The following CSPG4 variants were observed in gnomAD, a reference collection of about 807,000 sequenced individuals.
CSPG4 encodes the protein chondroitin sulfate proteoglycan 4 (melanoma-associated).
A neutral mutation model predicts 139.3 loss-of-function variants in CSPG4; 74 were observed. That is an observed-to-expected ratio of 0.53 (90% CI 0.44 to 0.64). The LOEUF (loss-of-function observed/expected upper bound fraction) is 0.64, where lower values mean the gene tolerates loss of function less well. Ranked by LOEUF, CSPG4 falls within the 30% of genes least tolerant of loss-of-function variation. CSPG4 has a pLI of 0.00. For synonymous variants in CSPG4, 1,234 were observed against 1,394.2 expected, an observed-to-expected ratio of 0.89 and a Z score of 2.56; for missense variants, 2,565 against 3,148.3, an observed-to-expected ratio of 0.81 and a Z score of 4.43.
In CSPG4 at chr15:75,687,470, A is replaced by G. The variant is rs1299830475; in HGVS notation, c.3595T>C (p.Tyr1199His). The change falls in exon 3 of 10, where the codon TAT becomes CAT. Residue 1199 changes from tyrosine (Y) to histidine (H), a missense_variant. This residue lies in a region of CSPG4 where 2,316 missense variants were observed against 2,818.2 expected (regional missense o/e 0.82). Transcript: ENST00000308508. The surrounding 1 kb of genome is among the most constrained non-coding windows in gnomAD (Gnocchi z 5.4). ...GGGCTGAGGCTGCCATTGTGGCTAT[A>G]GAGAACGGCCCCATCCAGCAGGTCC... ...QQDLLDGAVL[Y>H]SHNGSLSPRD... 2.5e-6 allele frequency: 4 copies of G among 1,612,538 alleles called. No homozygotes were observed. Among genetic ancestry groups the G allele is most frequent in the South Asian group, 2.2e-5 (2 of 91,034 alleles).
At chr15:75,706,357 C>T (rs1310326427) in intron 1 of CSPG4, among the ~76,000 whole-genome samples, 1 of 152,122 alleles carries the variant, frequency 6.6e-6, no homozygotes, top group African/African-American at 2.4e-5. Flanking sequence ...GGACACTCTC[C>T]TTGCCTACTG....
At chr15:75,682,818 C>A in intron 6 of CSPG4, 25 bp downstream of exon 6, 1 of 1,605,738 alleles carries the variant, frequency 6.2e-7, no homozygotes, top group Non-Finnish European at 8.5e-7. Context: ...CAGCAGGAAC[C>A]CGAGGCCCGG....
At chr15:75,711,548 C>G (rs1270329144) in intron 1 of CSPG4, among the ~76,000 whole-genome samples, 455 of 151,860 alleles carry the variant, frequency 3.0e-3, no homozygotes, top group African/African-American at 0.01. Context: ...CCTGGAGATC[C>G]AGCCCTGATT....
intron 8 of CSPG4, chr15:75,678,518 AT>A (rs747139987): frequency 2.6e-4 from 97 of 378,904 alleles, no homozygotes; most frequent in Middle Eastern, 8.1e-4. Context: ...ACACCCAGCT[AT>A]TTTTTTTTAT....
chr15:75,676,434 G>C lies in CSPG4; in HGVS notation c.6085C>G (p.Leu2029Val). Reference sequence around the variant, plus strand: ...GCTGATGCATTGACACCCCTAGCCAGTGCCAGGACTCTGAAGTGGTCATGA... The same window carrying C: ...GCTGATGCATTGACACCCCTAGCCACTGCCAGGACTCTGAAGTGGTCATGA... Reference protein sequence around the residue: ...SSHDHFRVLALARGVNASAVV... With the variant: ...SSHDHFRVLAVARGVNASAVV... Residue 2029 changes from leucine to valine, a missense_variant, in exon 10 of 10, where the codon CTG becomes GTG. By Grantham distance (32) the Leu-to-Val change is conservative. Coordinates refer to ENST00000308508, the MANE Select transcript of CSPG4 (RefSeq NM_001897.5). The C allele has an allele frequency of 6.2e-7, 1 of 1,613,996 alleles. No homozygotes were observed. Among genetic ancestry groups the C allele is most frequent in the Non-Finnish European group, 8.5e-7 (1 of 1,180,050 alleles).
intron 8 of CSPG4, among the ~76,000 whole-genome samples, chr15:75,681,633 C>G (rs1566972285): frequency 6.6e-6 from 1 of 152,226 alleles, no homozygotes; most frequent in Non-Finnish European, 1.5e-5. Flanking sequence ...AACTCCTGTT[C>G]TGTCTTCAGC....
At position 75,690,152 on chromosome 15, in the gene CSPG4, T is replaced by C. The variant is rs766285249; in HGVS notation, c.913A>G (p.Thr305Ala). The change falls in exon 3 of 10, where the codon ACG becomes GCG. Residue 305 changes from threonine to alanine, a missense_variant. Thr to Ala is a moderately conservative substitution (Grantham distance 58, BLOSUM62 0). Coordinates refer to ENST00000308508, the MANE Select transcript of CSPG4 (RefSeq NM_001897.5). ...AGGACTCCTCGGTTCGAAGTATGCG[T>C]AGGGTACTGGTCCACGGAGATTTCC... ...RLEISVDQYP[T>A]HTSNRGVLSY... 5 of 1,612,858 alleles carry C rather than the reference T, an allele frequency of 3.1e-6. No homozygotes were observed. Among genetic ancestry groups the C allele is most frequent in the Non-Finnish European group, 3.4e-6 (4 of 1,179,890 alleles).
In CSPG4 at chr15:75,676,743, T is replaced by C; in HGVS notation, c.5776A>G (p.Ser1926Gly). Residue 1926 changes from serine to glycine, a missense_variant, in exon 10 of 10, where the codon AGC (serine) becomes GGC (glycine). Physicochemically the swap from Ser to Gly is moderately conservative, Grantham distance 56 (BLOSUM62 0). Coordinates refer to ENST00000308508, the MANE Select transcript of CSPG4 (RefSeq NM_001897.5). Reference sequence around the variant, plus strand: ...GCCAGGGACATGGGCAGGGGTGGGCTGGCCCCATCAGACATGCTCAGCTGG... The same window carrying C: ...GCCAGGGACATGGGCAGGGGTGGGCCGGCCCCATCAGACATGCTCAGCTGG... Reference protein sequence around the residue: ...IFQLSMSDGASPPLPMSLAVD... With the variant: ...IFQLSMSDGAGPPLPMSLAVD... 1 of 1,571,490 alleles carries C rather than the reference T, an allele frequency of 6.4e-7. No individual in the cohort carries two copies. Among genetic ancestry groups the C allele is most frequent in the Non-Finnish European group, 8.6e-7 (1 of 1,157,088 alleles).
In CSPG4 at chr15:75,685,693, C is replaced by T. The variant is rs1357847397; in HGVS notation, c.3798G>A (p.Gln1266=). The T allele has an allele frequency of 3.8e-6, 6 of 1,590,690 alleles. No individual in the cohort carries two copies. The highest frequency in any genetic ancestry group is 5.1e-6 in the Non-Finnish European group (6 of 1,173,064). The stretch of plus-strand genomic sequence containing the variant: ...CGATGTCTGCAGGTGGCACTGCCTC[C>T]TGGGCTGCCTGGTTAACAGAGGTCA... ...EIRRDQLEAA[Q]EAVPPADIVF... is the part of the protein sequence containing the mutation. Residue 1266 remains glutamine (Q), a synonymous_variant, in exon 4 of 10, where the codon CAG becomes CAA. Coordinates refer to ENST00000308508, the MANE Select transcript of CSPG4 (RefSeq NM_001897.5).
intron 1 of CSPG4, among the ~76,000 whole-genome samples, chr15:75,700,013 G>A (rs1894280537): frequency 6.6e-6 from 1 of 152,156 alleles, no homozygotes; most frequent in African/African-American, 2.4e-5. Context: ...TTGGCACTGG[G>A]CCTGCACAGC....
chr15:75,712,655 G>T lies in CSPG4; in HGVS notation c.88+13C>A. On this transcript the variant is annotated intron_variant, in intron 1 of 9. Coordinates refer to ENST00000308508, the MANE Select transcript of CSPG4 (RefSeq NM_001897.5). ...CCGCCAGGCTGGGTCGGGGTCTCAG[G>T]CCCCTCACTCACCCGCGGATGCAAG... 6.4e-7 allele frequency: 1 copy of T among 1,553,222 alleles called. No individual in the cohort carries two copies. Among genetic ancestry groups the T allele is most frequent in the South Asian group, 1.2e-5 (1 of 84,404 alleles).
Position 75,675,834 on chromosome 15 carries a change from T to C in CSPG4, c.6685A>G (p.Met2229Val). The C allele has an allele frequency of 6.2e-7, 1 of 1,612,254 alleles. No homozygotes were observed. The highest frequency in any genetic ancestry group is 8.5e-7 in the Non-Finnish European group (1 of 1,179,908). Residue 2229 changes from methionine to valine, a missense_variant, in exon 10 of 10, where the codon ATG becomes GTG. Around this residue, in one of 5 missense-constraint regions of CSPG4, gnomAD observed 2,316 missense variants for 2,818.2 expected, o/e 0.82. Coordinates refer to ENST00000308508, the MANE Select transcript of CSPG4 (RefSeq NM_001897.5). ...EANMFSVIIP[M>V]CLVLLLLALI... The stretch of plus-strand genomic sequence containing the variant: ...GCCAGGAGCAGAAGTACCAGGCACA[T>C]GGGGATGATGACGCTGAACATGTTG...
intron 1 of CSPG4, among the ~76,000 whole-genome samples, chr15:75,703,664 T>G: frequency 6.8e-6 from 1 of 147,812 alleles, no homozygotes; most frequent in Admixed American, 6.7e-5. Context: ...GAGGGACAGG[T>G]CTGGTCTCTG....
rs754654353 is a variant in CSPG4, at chr15:75,687,818, G to T, written c.3247C>A (p.Gln1083Lys). 4.7e-5 allele frequency: 76 copies of T among 1,612,830 alleles called. 1 individual carries two copies. The highest frequency in any genetic ancestry group is 1.6e-4 in the Middle Eastern group (1 of 6,082). Residue 1083 changes from glutamine to lysine, a missense_variant, in exon 3 of 10, where the codon CAG becomes AAG. Gln to Lys is a moderately conservative substitution (Grantham distance 53, BLOSUM62 1). This residue lies in a region of CSPG4 where 2,316 missense variants were observed against 2,818.2 expected (regional missense o/e 0.82). Coordinates refer to ENST00000308508, the MANE Select transcript of CSPG4 (RefSeq NM_001897.5). The surrounding 1 kb of genome is among the most constrained non-coding windows in gnomAD (Gnocchi z 5.4). ...ACTCGCCTCTTCCTGAGGTCCTCCTGGGTGAAGCGGTAGATGGGCCGCGTG... is the reference window on the plus strand; with the variant it reads ...ACTCGCCTCTTCCTGAGGTCCTCCTTGGTGAAGCGGTAGATGGGCCGCGTG... ...EPTRPIYRFT[Q>K]EDLRKRRVLF...
rs117685731 is a variant in CSPG4 at position 75,698,069 on chromosome 15, C to T, written c.89-4836G>A. Among the ~76,000 whole-genome samples the T allele has an allele frequency of 9.2e-3, 1,394 of 152,264 alleles. 28 individuals carry two copies. The East Asian group carries it at 0.092, about 10-fold the overall frequency. ...GAGAAGGCGGGATGTTGGCAGCAAG[C>T]CTGCTGCTGTGCACAGGAGTGAGGA... On this transcript the variant is annotated intron_variant, in intron 1 of 9. Coordinates refer to ENST00000308508, the MANE Select transcript of CSPG4 (RefSeq NM_001897.5). This position sits in a 1 kb window ranked among gnomAD's most constrained non-coding sequence, Gnocchi z 4.3.
chr15:75,690,532 C>T lies in CSPG4; in HGVS notation c.533G>A (p.Arg178His), dbSNP rs760868344. 24 of 1,609,272 alleles carry T rather than the reference C, an allele frequency of 1.5e-5. No homozygotes were observed. The highest frequency in any genetic ancestry group is 4.5e-4 in the Middle Eastern group (2 of 4,484). ...GCLHAATLNG[R>H]SLLRPLTPDV... ...GGGGGTCAGAGGCCGGAGGAGGCTG[C>T]GGCCATTGAGGGTGGCTGCATGGAG... The change falls in exon 3 of 10, where the codon CGC becomes CAC. Residue 178 changes from arginine (R) to histidine (H), a missense_variant. Transcript: ENST00000308508.
rs1216517201 is a variant in CSPG4 at position 75,696,212 on chromosome 15, T to A, written c.89-2979A>T. Among the ~76,000 whole-genome samples the A allele has an allele frequency of 9.2e-5, 14 of 152,084 alleles. No individual in the cohort carries two copies. Among genetic ancestry groups the A allele is most frequent in the Admixed American group, 3.9e-4 (6 of 15,278 alleles). ...TCCCCCTCCTGACTGTGGGGATTAG[T>A]CCTGGGGGTCTCTCCCTGATCTAGG... is the stretch of plus-strand genomic sequence containing the variant. On this transcript the variant is annotated intron_variant, in intron 1 of 9. Coordinates refer to ENST00000308508, the MANE Select transcript of CSPG4 (RefSeq NM_001897.5). This position sits in a 1 kb window ranked among gnomAD's most constrained non-coding sequence, Gnocchi z 4.2.
At position 75,674,770 on chromosome 15, in the gene CSPG4, C is replaced by G. The variant is rs890341330; in HGVS notation, c.*780G>C. The G allele has an allele frequency of 5.0e-6, 2 of 398,610 alleles. No homozygotes were observed. The highest frequency in any genetic ancestry group is 8.8e-6 in the Non-Finnish European group (2 of 226,120). 24.7% of individuals were successfully genotyped at this position (398,610 alleles called of 1,614,324 possible). On this transcript the variant is annotated 3_prime_UTR_variant, in exon 10 of 10. Transcript: ENST00000308508. ...CCCAGCCTAACCTGCTCCAAAGCCA[C>G]TGACACATGCATGTTTAGCCCTTGG... is the stretch of plus-strand genomic sequence containing the variant.
intron 7 of CSPG4, 31 bp from the exon 8 acceptor site, chr15:75,682,490 T>C: frequency 6.4e-7 from 1 of 1,572,084 alleles, no homozygotes. Flanking sequence ...TATCAGATTT[T>C]GACTGGGAGC....
Sources: gnomAD v4.1 joint callset for allele counts (sites outside exome capture counted in the v4.1 genomes callset) on GRCh38, gnomAD v4.1.1 for gene constraint, gnomAD v4.1.1 regional missense constraint, Gnocchi (gnomAD v3.1) non-coding constraint, MANE v1.5 for transcripts, NCBI Gene and HGNC (gene_info 2026-07-23, HGNC 2026-07-21) for gene names.